Variants in CFAP74 observed in about 807,000 individuals in gnomAD.
CFAP74 encodes the protein cilia and flagella associated protein 74, also known as cilia- and flagella-associated protein 74.
CFAP74 carries 124 observed loss-of-function variants against 188.9 expected under a neutral mutation model. That is an observed-to-expected ratio of 0.66 (90% CI 0.57 to 0.76). The LOEUF is 0.76. CFAP74 is among the 30% of genes least tolerant of loss of function. CFAP74 has a pLI of 0.00. For missense variants in CFAP74, 2,198 were observed against 2,165.2 expected (o/e 1.02, Z -0.30); for synonymous variants, 956 against 916.7 (o/e 1.04, Z -0.77).
intron 1 of CFAP74, among the ~76,000 whole-genome samples, chr1:1,991,762 G>A (rs528230716): frequency 1.1e-4 from 16 of 152,098 alleles, no homozygotes; most frequent in South Asian, 8.3e-4. Flanking sequence ...GAGATTGGCT[G>A]GGCGTGGTGG....
chr1:1,971,864 C>T (rs4648603), intron 9 of CFAP74, 116 bp downstream of exon 9: 419,858 of 756,938 alleles, frequency 0.55, 117,544 homozygotes, highest in Middle Eastern at 0.65. Context: ...TCACCAAGTG[C>T]GCGGGTCAGC....
intron 19 of CFAP74, 134 bp downstream of exon 19, chr1:1,946,856 G>C (rs1020820404): frequency 1.4e-6 from 1 of 703,066 alleles, no homozygotes; most frequent in Non-Finnish European, 2.4e-6. Context: ...GGTGGACAAA[G>C]TCTGGCCTGT....
At position 1,968,510 on chromosome 1, in the gene CFAP74, C is replaced by T. The variant is rs551345938; in HGVS notation, c.1245+125G>A. On this transcript the variant is annotated intron_variant, in intron 11 of 38. Coordinates refer to ENST00000682832, the MANE Select transcript of CFAP74 (RefSeq NM_001304360.2). This position sits in a 1 kb window ranked among gnomAD's most constrained non-coding sequence, Gnocchi z 4.3. ...AGTGGCGGCCACTCAGCGGGCTCAG[C>T]AACCCCCTGCAGGTGGCCATGGTGC... is the stretch of plus-strand genomic sequence containing the variant. 563 of 798,490 alleles carry T rather than the reference C, an allele frequency of 7.1e-4. 7 individuals are homozygous for T. The Admixed American group carries it at 8.4e-3, about 12-fold the overall frequency. 49.5% of individuals were successfully genotyped at this position (798,490 alleles called of 1,614,324 possible).
chr1:1,931,606 G>A (rs1192634770), intron 25 of CFAP74, among the ~76,000 whole-genome samples: 7 of 150,150 alleles, frequency 4.7e-5, no homozygotes, highest in Admixed American at 1.3e-4. Context: ...GTGTGCTGGC[G>A]GGCGCCTGTA....
At chr1:1,939,084 G>A (rs1020547059) in intron 24 of CFAP74, 96 bp from the exon 25 acceptor site, 2 of 1,288,158 alleles carry the variant, frequency 1.6e-6, no homozygotes, top group African/African-American at 1.5e-5. Flanking sequence ...AGATGAGTGT[G>A]ATCGTGTGTG....
intron 15 of CFAP74, 67 bp from the exon 16 acceptor site, chr1:1,959,276 G>A (rs1295499304): frequency 9.3e-7 from 1 of 1,075,184 alleles, no homozygotes. Context: ...TTTTTTTTTT[G>A]GACAGGGTCT....
intron 1 of CFAP74, among the ~76,000 whole-genome samples, chr1:1,991,983 T>C (rs536409257): frequency 1.3e-3 from 201 of 149,426 alleles, no homozygotes; most frequent in African/African-American, 4.9e-3. Context: ...GAGCTTGCAG[T>C]GAGCCGAGAT....
chr1:1,935,474 G>A (rs1431062275), intron 25 of CFAP74, among the ~76,000 whole-genome samples: 6 of 91,378 alleles, frequency 6.6e-5, no homozygotes, highest in Non-Finnish European at 1.4e-4. Context: ...ACAGGTGTGT[G>A]CGCGCTAGGT....
rs1558037516 is a variant in CFAP74, at chr1:1,968,187, A to G, written c.1245+448T>C. Among the ~76,000 whole-genome samples the G allele has an allele frequency of 3.3e-5, 5 of 152,276 alleles. No individual in the cohort carries two copies. In the East Asian group the frequency reaches 5.8e-4, roughly 18 times the overall value. ...CGAATAAAGGATGAGTGAGTGAATG[A>G]ATGAGTGATAGGAAAGCTGTCCTCT... On this transcript the variant is annotated intron_variant, in intron 11 of 38. Coordinates refer to ENST00000682832, the MANE Select transcript of CFAP74 (RefSeq NM_001304360.2). This position sits in a 1 kb window ranked among gnomAD's most constrained non-coding sequence, Gnocchi z 4.3.
intron 1 of CFAP74, among the ~76,000 whole-genome samples, chr1:1,995,101 G>T (rs1234484758): frequency 6.6e-6 from 1 of 152,206 alleles, no homozygotes; most frequent in Non-Finnish European, 1.5e-5. Flanking sequence ...TGCTGAAGAA[G>T]CAGTGGAAGT....
chr1:1,979,474 G>A (rs1430153656), intron 6 of CFAP74, among the ~76,000 whole-genome samples: 4 of 141,882 alleles, frequency 2.8e-5, no homozygotes, highest in Admixed American at 7.0e-5. Flanking sequence ...CACAGAACAC[G>A]CGTGTGGTAC....
rs534549774 is a variant in CFAP74 at position 1,983,470 on chromosome 1, C to T, written c.500+1916G>A. ...AGGGGCATCGAGCACGGGCGCTGTG[C>T]GGGACAGCCCCTGGCCTGCAATCCT... is the stretch of plus-strand genomic sequence containing the variant. On this transcript the variant is annotated intron_variant, in intron 6 of 38. Coordinates refer to ENST00000682832, the MANE Select transcript of CFAP74 (RefSeq NM_001304360.2). 9.2e-5 allele frequency among the ~76,000 whole-genome samples: 14 copies of T among 152,328 alleles called. No homozygotes were observed. The East Asian group carries it at 1.7e-3, about 19-fold the overall frequency.
In CFAP74 at chr1:1,964,954, C is replaced by T. The variant is rs566545852; in HGVS notation, c.1509G>A (p.Gln503=). 1 of 1,614,048 alleles carries T rather than the reference C, an allele frequency of 6.2e-7. No homozygotes were observed. The highest frequency in any genetic ancestry group is 1.1e-5 in the South Asian group (1 of 91,088). The part of the protein sequence containing the change: ...ERLRSRVVHK[Q]VVWGREFQGR... ...CTTGGAACTCACGCCCCCACACCACCTGCTTGTGGACCACCCTGCTCCGCA... is the reference window on the plus strand; with the variant it reads ...CTTGGAACTCACGCCCCCACACCACTTGCTTGTGGACCACCCTGCTCCGCA... Residue 503 remains glutamine, a synonymous_variant, in exon 13 of 39, where the codon CAG becomes CAA. Transcript: ENST00000682832.
At position 1,959,151 on chromosome 1, in the gene CFAP74, A is replaced by C; in HGVS notation, c.1820T>G (p.Val607Gly). 1 of 1,613,186 alleles carries C rather than the reference A, an allele frequency of 6.2e-7. No homozygotes were observed. Among genetic ancestry groups the C allele is most frequent in the Non-Finnish European group, 8.5e-7 (1 of 1,179,358 alleles). Reference protein sequence around the residue: ...SFLAQTGEFSVPLKCSTKKCS... With the variant: ...SFLAQTGEFSGPLKCSTKKCS... ...TTTCTTTGTTGAACATTTCAGTGGA[A>C]CTGAAAACTCGCCCGTCTGAGCCAA... is the stretch of plus-strand genomic sequence containing the variant. Residue 607 changes from valine (V) to glycine (G), a missense_variant, in exon 16 of 39, where the codon GTT becomes GGT. Coordinates refer to ENST00000682832, the MANE Select transcript of CFAP74 (RefSeq NM_001304360.2).
At chr1:1,961,268 T>C (rs1222505524) in intron 14 of CFAP74, among the ~76,000 whole-genome samples, 1 of 152,046 alleles carries the variant, frequency 6.6e-6, no homozygotes, top group African/African-American at 2.4e-5. Flanking sequence ...TTCCCAAAAT[T>C]GTTCAAAGAT....
chr1:1,990,545 C>T lies in CFAP74; in HGVS notation c.67+345G>A, dbSNP rs574283510. 7.2e-5 allele frequency among the ~76,000 whole-genome samples: 11 copies of T among 152,178 alleles called. No homozygotes were observed. In the East Asian group the frequency reaches 1.9e-3, roughly 27 times the overall value. The stretch of plus-strand genomic sequence containing the variant: ...CCAGAACTAGAACCAAATCAAGGCA[C>T]GTCTCAGTAACATTTCAGATCATCA... On this transcript the variant is annotated intron_variant, in intron 2 of 38. Transcript: ENST00000682832.
Position 1,946,390 on chromosome 1 carries a change from A to G in CFAP74, c.2291T>C (p.Val764Ala). Residue 764 changes from valine (V) to alanine (A), a missense_variant, in exon 20 of 39, where the codon GTC becomes GCC. Transcript: ENST00000682832. ...GPFSSIKVPIVFTPVVPGDVQ... is the reference protein window; with the variant it reads ...GPFSSIKVPIAFTPVVPGDVQ... ...GTCGCCTGGGACGACCGGAGTGAAG[A>G]CGATGGGCACCTTGATGGAGCTGAA... is the stretch of plus-strand genomic sequence containing the variant. The G allele has an allele frequency of 6.5e-7, 1 of 1,537,114 alleles. No individual in the cohort carries two copies. Among genetic ancestry groups the G allele is most frequent in the Non-Finnish European group, 8.7e-7 (1 of 1,146,868 alleles).
rs767136353 is a variant in CFAP74 at position 1,960,039 on chromosome 1, C to T, written c.1695-9G>A. The T allele has an allele frequency of 2.8e-5, 44 of 1,593,800 alleles. No homozygotes were observed. In the Admixed American group the frequency reaches 2.8e-4, roughly 10 times the overall value. ...GGCCAGGGGGGTCAAAGCTGCAGGACGTGACCCATAGCACACGGGGGTTAG... is the reference window on the plus strand; with the variant it reads ...GGCCAGGGGGGTCAAAGCTGCAGGATGTGACCCATAGCACACGGGGGTTAG... On this transcript the variant is annotated splice_polypyrimidine_tract_variant and intron_variant, in intron 14 of 38. Coordinates refer to ENST00000682832, the MANE Select transcript of CFAP74 (RefSeq NM_001304360.2).
chr1:1,998,718 C>A (rs1452909440), intron 1 of CFAP74, among the ~76,000 whole-genome samples: 1 of 149,768 alleles, frequency 6.7e-6, no homozygotes, highest in African/African-American at 2.5e-5. Flanking sequence ...ACTAAAAATA[C>A]AAAAAAAAAT....
Sources: gnomAD v4.1 joint callset for allele counts (sites outside exome capture counted in the v4.1 genomes callset) on GRCh38, gnomAD v4.1.1 for gene constraint, Gnocchi (gnomAD v3.1) non-coding constraint, MANE v1.5 for transcripts, NCBI Gene and HGNC (gene_info 2026-07-23, HGNC 2026-07-21) for gene names.